Variants in RAPGEF3 observed in about 807,000 individuals in gnomAD.
The protein encoded by RAPGEF3 is 9330170P05Rik.
A neutral mutation model predicts 129.8 loss-of-function variants in RAPGEF3; 103 were observed. The observed-to-expected ratio is 0.79, with a 90% CI of 0.68 to 0.93. The LOEUF (loss-of-function observed/expected upper bound fraction) is 0.93, where lower values mean the gene tolerates loss of function less well. RAPGEF3 is among the 40% of genes least tolerant of loss of function. The pLI is 0.00. For synonymous variants in RAPGEF3, 436 were observed against 482.6 expected, an observed-to-expected ratio of 0.90 and a Z score of 1.26; for missense variants, 1,117 against 1,207.4, an observed-to-expected ratio of 0.93 and a Z score of 1.11.
At position 47,740,312 on chromosome 12, in the gene RAPGEF3, G is replaced by C. The variant is rs374319063; in HGVS notation, c.2315C>G (p.Thr772Ser). Residue 772 changes from threonine (T) to serine (S), a missense_variant, in exon 22 of 28, where the codon ACC becomes AGC. Physicochemically the swap from Thr to Ser is moderately conservative, Grantham distance 58. Transcript: ENST00000449771. ...SNSAISRLAHTWERLPHKVRK... is the reference protein window; with the variant it reads ...SNSAISRLAHSWERLPHKVRK... ...CCTCCAGACCACACTTACCTCCCAGGTGTGGGCTAGGCGGCTGATGGCCGA... is the reference window on the plus strand; with the variant it reads ...CCTCCAGACCACACTTACCTCCCAGCTGTGGGCTAGGCGGCTGATGGCCGA... 1.9e-6 allele frequency: 3 copies of C among 1,614,080 alleles called. No individual in the cohort carries two copies. The highest frequency in any genetic ancestry group is 2.5e-6 in the Non-Finnish European group (3 of 1,179,964).
At chr12:47,743,105 AATG>A (rs1322437478) in intron 18 of RAPGEF3, among the ~76,000 whole-genome samples, 1 of 152,262 alleles carries the variant, frequency 6.6e-6, no homozygotes, top group Non-Finnish European at 1.5e-5. Flanking sequence ...ACTAAACACA[AATG>A]ATGATAATAA....
Position 47,751,029 on chromosome 12 carries a change from T to C in RAPGEF3, c.671+19A>G, listed in dbSNP as rs1400720733. On this transcript the variant is annotated intron_variant, in intron 6 of 27. Coordinates refer to ENST00000449771, the MANE Select transcript of RAPGEF3 (RefSeq NM_001098531.4). ...CTGTGTGAGGCCTGGGGTCACGGGG[T>C]GCAGGGATTCTGACTCACGGCTTTC... is the stretch of plus-strand genomic sequence containing the variant. The C allele has an allele frequency of 6.3e-7, 1 of 1,592,320 alleles. No homozygotes were observed. Among genetic ancestry groups the C allele is most frequent in the South Asian group, 1.1e-5 (1 of 87,052 alleles).
chr12:47,754,929 C>A (rs761484336), intron 2 of RAPGEF3, among the ~76,000 whole-genome samples: 1 of 152,206 alleles, frequency 6.6e-6, no homozygotes, highest in Non-Finnish European at 1.5e-5. Context: ...ACCCTCACTC[C>A]CTGTCACTGA....
chr12:47,749,860 C>T lies in RAPGEF3; in HGVS notation c.818-43G>A, dbSNP rs753852193. 1 of 1,613,828 alleles carries T rather than the reference C, an allele frequency of 6.2e-7. No homozygotes were observed. Among genetic ancestry groups the T allele is most frequent in the African/African-American group, 1.3e-5 (1 of 74,938 alleles). On this transcript the variant is annotated intron_variant, in intron 8 of 27. Coordinates refer to ENST00000449771, the MANE Select transcript of RAPGEF3 (RefSeq NM_001098531.4). This position sits in a 1 kb window ranked among gnomAD's most constrained non-coding sequence, Gnocchi z 4.5. ...CAGACCGGGCCCTCCTGGCACCTAC[C>T]ATTCCTTCACACATCCTTCTGCCCA...
chr12:47,750,550 C>T (rs1941686175), intron 6 of RAPGEF3, 125 bp from the exon 7 acceptor site: 1 of 799,454 alleles, frequency 1.3e-6, no homozygotes, highest in African/African-American at 1.7e-5. Context: ...TTATCAGCAG[C>T]AGCTAACCTT....
At position 47,749,401 on chromosome 12, in the gene RAPGEF3, G is replaced by T. The variant is rs767963161; in HGVS notation, c.1030C>A (p.Arg344Ser). 5 of 1,612,444 alleles carry T rather than the reference G, an allele frequency of 3.1e-6. No individual in the cohort carries two copies. Among genetic ancestry groups the T allele is most frequent in the Non-Finnish European group, 4.2e-6 (5 of 1,180,006 alleles). The change falls in exon 10 of 28, where the codon CGT becomes AGT. Residue 344 changes from arginine (R) to serine (S), a missense_variant. Arg to Ser is a moderately radical substitution (Grantham distance 110). This residue lies in a region of RAPGEF3 where 107 missense variants were observed against 160.7 expected (regional missense o/e 0.67). Transcript: ENST00000449771. This position sits in a 1 kb window ranked among gnomAD's most constrained non-coding sequence, Gnocchi z 4.5. Reference protein sequence around the residue: ...FLRVDKQDFNRIIKDVEAKTM... With the variant: ...FLRVDKQDFNSIIKDVEAKTM... ...CCCAGCAGCAGCACCTTGATGATACGGTTGAAGTCCTGCTTGTCCACACGC... is the reference window on the plus strand; with the variant it reads ...CCCAGCAGCAGCACCTTGATGATACTGTTGAAGTCCTGCTTGTCCACACGC...
chr12:47,740,475 G>A (rs1941080070), intron 21 of RAPGEF3, 80 bp from the exon 22 acceptor site: 1 of 1,519,988 alleles, frequency 6.6e-7, no homozygotes, highest in Non-Finnish European at 9.1e-7. Context: ...AGCCAGGCCA[G>A]CCTCTGCAGA....
intron 6 of RAPGEF3, 30 bp downstream of exon 6, chr12:47,751,018 G>A (rs778179715): frequency 9.5e-6 from 15 of 1,586,756 alleles, no homozygotes; most frequent in Non-Finnish European, 1.3e-5. Context: ...GTGAGGCCTG[G>A]GGTCACGGGG....
rs1232773081 is a variant in RAPGEF3 at position 47,750,424 on chromosome 12, G to A, written c.673C>T (p.Pro225Ser). 2 of 1,612,736 alleles carry A rather than the reference G, an allele frequency of 1.2e-6. No individual in the cohort carries two copies. The highest frequency in any genetic ancestry group is 1.7e-6 in the Non-Finnish European group (2 of 1,179,170). ...AGCTCTTCATCCGTGCGCTGACCTG[G>A]GCTGCAGGGACAGGAGGAATGGGAG... is the stretch of plus-strand genomic sequence containing the variant. ...ALLTVALRKP[P>S]GQRTDEELDL... Residue 225 changes from proline to serine, a missense_variant and splice_region_variant, in exon 7 of 28, where the codon CCA (proline) becomes TCA (serine). Coordinates refer to ENST00000449771, the MANE Select transcript of RAPGEF3 (RefSeq NM_001098531.4).
chr12:47,741,619 G>C lies in RAPGEF3; in HGVS notation c.1826-17C>G. On this transcript the variant is annotated splice_polypyrimidine_tract_variant and intron_variant, in intron 18 of 27. Transcript: ENST00000449771. ...CAATGGCATCTGCAAAGACAGCAGA[G>C]GCGGACTGGGTGGGGGAAGGGAGGG... The C allele has an allele frequency of 6.2e-7, 1 of 1,607,720 alleles. No individual in the cohort carries two copies. The highest frequency in any genetic ancestry group is 8.5e-7 in the Non-Finnish European group (1 of 1,174,308).
At position 47,755,418 on chromosome 12, in the gene RAPGEF3, G is replaced by A. The variant is rs148233136; in HGVS notation, c.219+2448C>T. On this transcript the variant is annotated intron_variant, in intron 2 of 27. Coordinates refer to ENST00000449771, the MANE Select transcript of RAPGEF3 (RefSeq NM_001098531.4). ...ATTTGGATAGGTTGAATGAAAGTGC[G>A]TTCTCGGAGTTACAAAACAGGGCCA... is the stretch of plus-strand genomic sequence containing the variant. Among the ~76,000 whole-genome samples the A allele has an allele frequency of 1.2e-4, 18 of 152,224 alleles. No homozygotes were observed. The East Asian group carries it at 1.5e-3, about 13-fold the overall frequency.
chr12:47,755,618 A>T (rs1942009856), intron 2 of RAPGEF3: 1 of 152,148 alleles, frequency 6.6e-6, no homozygotes, highest in Non-Finnish European at 1.5e-5. Flanking sequence ...CTTTTGCAAT[A>T]GCTGTTAAGT....
intron 19 of RAPGEF3, 49 bp downstream of exon 19, chr12:47,741,456 C>G: frequency 6.4e-7 from 1 of 1,551,740 alleles, no homozygotes; most frequent in Non-Finnish European, 8.9e-7. Flanking sequence ...CACTGCCACA[C>G]TCAAAATAGA....
rs1392820639 is a variant in RAPGEF3, at chr12:47,734,866, C to G, written c.*2701G>C. 6.6e-6 allele frequency: 1 copy of G among 152,266 alleles called. No homozygotes were observed. Among genetic ancestry groups the G allele is most frequent in the Non-Finnish European group, 1.5e-5 (1 of 68,074 alleles). The allele number at this position is 152,266 out of a possible 1,614,324, so 9.4% of individuals were successfully genotyped here. A position where few individuals can be genotyped will look rare whatever the true frequency, so the allele number is the denominator to read the frequency against. On this transcript the variant is annotated 3_prime_UTR_variant, in exon 28 of 28. Transcript: ENST00000449771. Reference sequence around the variant, plus strand: ...TCTCAGGCTCTGCCTTCCTTTTGTTCGGATGGAGCCTGAGAGAGAGGGGAC... The same window carrying G: ...TCTCAGGCTCTGCCTTCCTTTTGTTGGGATGGAGCCTGAGAGAGAGGGGAC...
Position 47,743,989 on chromosome 12 carries a change from T to A in RAPGEF3, c.1676A>T (p.Lys559Ile). ...CCCAGCCGGCACAGACCACCAACCT[T>A]TATCCCCAACTTGGATGGCACAGCT... ...GSSCAIQVGD[K>I]VPYDICRPDH... Residue 559 changes from lysine to isoleucine, a missense_variant and splice_region_variant, in exon 17 of 28, where the codon AAA becomes ATA. Around this residue, in one of 3 missense-constraint regions of RAPGEF3, gnomAD observed 643 missense variants for 673.4 expected, o/e 0.95. Transcript: ENST00000449771. 1 of 1,602,772 alleles carries A rather than the reference T, an allele frequency of 6.2e-7. No individual in the cohort carries two copies. The highest frequency in any genetic ancestry group is 8.5e-7 in the Non-Finnish European group (1 of 1,169,964).
intron 17 of RAPGEF3, 102 bp from the exon 18 acceptor site, chr12:47,743,778 GGCTGA>G: frequency 2.7e-6 from 4 of 1,497,066 alleles, no homozygotes; most frequent in Non-Finnish European, 3.6e-6. Context: ...ATCCCCAAGA[GGCTGA>G]GCTGCAGGTG....
In RAPGEF3 at chr12:47,749,786, CCACGAAG is replaced by C. The variant is rs1941636983; in HGVS notation, c.842_848del (p.Thr281SerfsTer12). 6.2e-7 allele frequency: 1 copy of C among 1,614,082 alleles called. No individual in the cohort carries two copies. The highest frequency in any genetic ancestry group is 1.7e-5 in the Admixed American group (1 of 60,006). On this transcript the variant is annotated frameshift_variant, in exon 9 of 28. Transcript: ENST00000449771. LOFTEE classifies it high-confidence loss of function. The surrounding 1 kb of genome is among the most constrained non-coding windows in gnomAD (Gnocchi z 4.5). ...TGACAGATCCCTTCCAGATAATGTA[CCACGAAG>C]TGCCCTTGTCCCCCTGGCTGAACAC...
At chr12:47,744,629 A>G (rs914324173) in intron 16 of RAPGEF3, 1 of 155,638 alleles carries the variant, frequency 6.4e-6, no homozygotes, top group Non-Finnish European at 1.4e-5. Context: ...AGCCCACAGC[A>G]GGGATGCAGT....
rs761190001 is a variant in RAPGEF3, at chr12:47,749,470, G to A, written c.961C>T (p.Arg321Trp). The change falls in exon 10 of 28, where the codon CGG becomes TGG. Residue 321 changes from arginine (R) to tryptophan (W), a missense_variant. Physicochemically the swap from Arg to Trp is moderately radical, Grantham distance 101. This residue lies in a region of RAPGEF3 where 107 missense variants were observed against 160.7 expected (regional missense o/e 0.67). Coordinates refer to ENST00000449771, the MANE Select transcript of RAPGEF3 (RefSeq NM_001098531.4). This position sits in a 1 kb window ranked among gnomAD's most constrained non-coding sequence, Gnocchi z 4.5. ...TCTCGCAGGATGATGGTGGCTGCCC[G>A]GGGTGCATCATTCACCAGAGCCAGC... ...GQLALVNDAP[R>W]AATIILREDN... 9 of 1,612,988 alleles carry A rather than the reference G, an allele frequency of 5.6e-6. No homozygotes were observed. The highest frequency in any genetic ancestry group is 1.3e-5 in the African/African-American group (1 of 74,878).
Sources: allele counts gnomAD v4.1 joint callset (sites outside exome capture counted in the v4.1 genomes callset), GRCh38; gene constraint gnomAD v4.1.1; regional missense constraint gnomAD v4.1.1; non-coding constraint Gnocchi (gnomAD v3.1); transcripts MANE v1.5; gene names NCBI Gene and HGNC (gene_info 2026-07-23, HGNC 2026-07-21).